NR3C2: variants seen among roughly 807,000 people sequenced by gnomAD.
The protein encoded by NR3C2 is nuclear receptor subfamily 3 group C member 2, also known as mineralocorticoid receptor.
In NR3C2, 15 loss-of-function variants were observed where a neutral mutation model predicts 86.4. That is an observed-to-expected ratio of 0.17 (90% CI 0.12 to 0.27). The LOEUF (loss-of-function observed/expected upper bound fraction) is 0.27. Ranked by LOEUF, NR3C2 falls within the 10% of genes least tolerant of loss-of-function variation. The probability of loss-of-function intolerance (pLI) is 1.00; values close to 1 mark genes in which losing one functional copy is unlikely to be tolerated. For missense variants in NR3C2, 960 were observed against 1,195.6 expected (o/e 0.80, Z 2.91); for synonymous variants, 458 against 450.5 (o/e 1.02, Z -0.21).
chr4:148,188,669 C>A (rs971908845), intron 4 of NR3C2, among the ~76,000 whole-genome samples: 1 of 152,092 alleles, frequency 6.6e-6, no homozygotes, highest in African/African-American at 2.4e-5. Context: ...ACGATCATAT[C>A]ATCAGCAAAC....
chr4:148,411,915 G>A (rs1748726567), intron 2 of NR3C2, among the ~76,000 whole-genome samples: 11 of 152,144 alleles, frequency 7.2e-5, no homozygotes, highest in Admixed American at 6.6e-4. Flanking sequence ...TAAAGAACAA[G>A]AAAATCCACT....
chr4:148,191,628 C>A (rs774287068), intron 4 of NR3C2, among the ~76,000 whole-genome samples: 1 of 152,166 alleles, frequency 6.6e-6, no homozygotes, highest in Non-Finnish European at 1.5e-5. Context: ...ATTATTCTTA[C>A]GTTTGGCTAT....
intron 6 of NR3C2, among the ~76,000 whole-genome samples, chr4:148,150,903 A>T (rs1261322953): frequency 6.6e-6 from 1 of 152,230 alleles, no homozygotes; most frequent in Non-Finnish European, 1.5e-5. Context: ...AAGCAAAATG[A>T]GCCAGGCACA....
At chr4:148,353,176 A>G (rs1745381854) in intron 2 of NR3C2, among the ~76,000 whole-genome samples, 2 of 152,172 alleles carry the variant, frequency 1.3e-5, no homozygotes, top group African/African-American at 4.8e-5. Context: ...ATAGTATTTT[A>G]GTATTTATTT....
chr4:148,108,264 C>T lies in NR3C2; in HGVS notation c.2799+5840G>A, dbSNP rs538709961. 2.7e-4 allele frequency among the ~76,000 whole-genome samples: 41 copies of T among 152,110 alleles called. 1 individual carries two copies. The South Asian group carries it at 7.9e-3, about 29-fold the overall frequency. On this transcript the variant is annotated intron_variant, in intron 8 of 8. Coordinates refer to ENST00000358102, the MANE Select transcript of NR3C2 (RefSeq NM_000901.5). The stretch of plus-strand genomic sequence containing the variant: ...TACTACAGGCACGCATCACCACACC[C>T]GGCTAATTTTGTATTTTTAGTAGAG...
At chr4:148,212,795 A>G (rs1440370924) in intron 3 of NR3C2, among the ~76,000 whole-genome samples, 1 of 152,232 alleles carries the variant, frequency 6.6e-6, no homozygotes, top group Non-Finnish European at 1.5e-5. Context: ...TGATAAAACA[A>G]AAGTAGTTTT....
chr4:148,182,621 A>C (rs1735696472), intron 4 of NR3C2, among the ~76,000 whole-genome samples: 1 of 152,244 alleles, frequency 6.6e-6, no homozygotes, highest in African/African-American at 2.4e-5. Context: ...TTTGTATCAC[A>C]TACCGTGCCA....
intron 8 of NR3C2, among the ~76,000 whole-genome samples, chr4:148,090,458 T>C (rs1469377888): frequency 6.6e-6 from 1 of 152,206 alleles, no homozygotes; most frequent in East Asian, 1.9e-4. Context: ...AGGGTTCATA[T>C]TGATACACAG....
chr4:148,134,882 C>G (rs909880977), intron 6 of NR3C2, among the ~76,000 whole-genome samples: 1 of 151,502 alleles, frequency 6.6e-6, no homozygotes, highest in Non-Finnish European at 1.5e-5. Context: ...GTCTCGAACT[C>G]CTGACCTCAG....
In NR3C2 at chr4:148,336,385, G is replaced by C. The variant is rs1414928294; in HGVS notation, c.1758-76268C>G. The stretch of plus-strand genomic sequence containing the variant: ...TGCCCAGGAGGGCTCCAAAGACATG[G>C]AGCCATCAAACTCCAAAGGATCTCA... On this transcript the variant is annotated intron_variant, in intron 2 of 8. Transcript: ENST00000358102. Among the ~76,000 whole-genome samples the C allele has an allele frequency of 2.0e-5, 3 of 152,158 alleles. No homozygotes were observed. The East Asian group carries it at 5.8e-4, about 29-fold the overall frequency.
At chr4:148,417,767 T>G in intron 2 of NR3C2, among the ~76,000 whole-genome samples, 1 of 152,236 alleles carries the variant, frequency 6.6e-6, no homozygotes, top group East Asian at 1.9e-4. Flanking sequence ...TGAGCAGATT[T>G]TTCATAGCTG....
At chr4:148,425,899 C>T (rs141563340) in intron 2 of NR3C2, among the ~76,000 whole-genome samples, 370 of 152,188 alleles carry the variant, frequency 2.4e-3, no homozygotes, top group African/African-American at 7.1e-3. Context: ...AAAATAGTGA[C>T]GGCAGTCACC....
intron 6 of NR3C2, among the ~76,000 whole-genome samples, chr4:148,140,969 T>C (rs1485421912): frequency 6.6e-6 from 1 of 152,206 alleles, no homozygotes; most frequent in African/African-American, 2.4e-5. Context: ...AGCAGTACTC[T>C]TGAAGTAAAA....
intron 3 of NR3C2, among the ~76,000 whole-genome samples, chr4:148,244,842 T>C (rs1739241004): frequency 6.6e-6 from 1 of 152,252 alleles, no homozygotes; most frequent in African/African-American, 2.4e-5. Flanking sequence ...TTTTGATCTC[T>C]GCCCATACCT....
At chr4:148,223,703 A>C (rs545460864) in intron 3 of NR3C2, among the ~76,000 whole-genome samples, 1 of 152,202 alleles carries the variant, frequency 6.6e-6, no homozygotes, top group Non-Finnish European at 1.5e-5. Context: ...AGATATTTTG[A>C]ATGAAGCATT....
Position 148,435,229 on chromosome 4 carries a change from G to A in NR3C2, c.1632C>T (p.Phe544=), listed in dbSNP as rs1350021295. The A allele has an allele frequency of 6.2e-7, 1 of 1,614,156 alleles. No homozygotes were observed. Among genetic ancestry groups the A allele is most frequent in the Non-Finnish European group, 8.5e-7 (1 of 1,180,032 alleles). The change falls in exon 2 of 9, where the codon TTC becomes TTT. Residue 544 remains phenylalanine, a synonymous_variant. Coordinates refer to ENST00000358102, the MANE Select transcript of NR3C2 (RefSeq NM_000901.5). ...CAGGAGGAAAGGAACTCAGGTGTTG[G>A]AAAGATTGGTCTCTAGCCGATCGTG... ...SLSRSARDQS[F]QHLSSFPPVN...
chr4:148,404,277 A>G lies in NR3C2; in HGVS notation c.1757+30827T>C, dbSNP rs908080683. ...ATTATTCACTGATTATTTATATTAGATAATATTTTTTGTTAGAACAGGATT... is the reference window on the plus strand; with the variant it reads ...ATTATTCACTGATTATTTATATTAGGTAATATTTTTTGTTAGAACAGGATT... On this transcript the variant is annotated intron_variant, in intron 2 of 8. Coordinates refer to ENST00000358102, the MANE Select transcript of NR3C2 (RefSeq NM_000901.5). Among the ~76,000 whole-genome samples, 16 of 152,278 alleles carry G rather than the reference A, an allele frequency of 1.1e-4. No homozygotes were observed. In the South Asian group the frequency reaches 1.2e-3, roughly 12 times the overall value.
chr4:148,268,209 G>A, intron 2 of NR3C2, among the ~76,000 whole-genome samples: 1 of 152,136 alleles, frequency 6.6e-6, no homozygotes, highest in East Asian at 1.9e-4. Context: ...AAAGTGCTAG[G>A]ATTACAGGCA....
intron 2 of NR3C2, among the ~76,000 whole-genome samples, chr4:148,318,557 T>C (rs1743351697): frequency 6.6e-6 from 1 of 152,022 alleles, no homozygotes. Context: ...GACTTTTTAA[T>C]GATGGCCATT....
Sources: allele counts gnomAD v4.1 joint callset (sites outside exome capture counted in the v4.1 genomes callset), GRCh38; gene constraint gnomAD v4.1.1; transcripts MANE v1.5; gene names NCBI Gene and HGNC (gene_info 2026-07-23, HGNC 2026-07-21).